The following ZFP14 variants were observed in gnomAD, a reference collection of about 807,000 sequenced individuals.
The protein encoded by ZFP14 is zinc finger protein 14 homolog.
In ZFP14, 22 loss-of-function variants were observed where a neutral mutation model predicts 54.5. The ratio of observed to expected loss-of-function variants is 0.40; its 90% CI spans 0.29 to 0.58. ZFP14 has a LOEUF of 0.58. Among genes scored for constraint, ZFP14 ranks in the 20% least tolerant of loss-of-function variants. The pLI, the probability that ZFP14 is intolerant of heterozygous loss-of-function variation, is 0.39. For synonymous variants in ZFP14, 159 were observed against 204.0 expected (o/e 0.78, Z 1.88); for missense variants, 470 against 637.8 (o/e 0.74, Z 2.83).
intron 4 of ZFP14, among the ~76,000 whole-genome samples, chr19:36,343,021 G>A (rs1439638400): frequency 6.6e-6 from 1 of 152,192 alleles, no homozygotes; most frequent in Non-Finnish European, 1.5e-5. Context: ...CAAATAAAGA[G>A]TCCAGGAGTG....
chr19:36,362,003 CTTAAATCATTCCTTTGAGAATAGAAAGT>C, intron 3 of ZFP14, 81 bp downstream of exon 3: 1 of 1,375,494 alleles, frequency 7.3e-7, no homozygotes, highest in Non-Finnish European at 9.7e-7. Context: ...CCTGACAAAG[CTTAAATCATTCCTTTGAGAATAGAAAGT>C]AGTTTTAGAG....
chr19:36,374,852 A>G (rs558268631), intron 1 of ZFP14, among the ~76,000 whole-genome samples: 4 of 152,336 alleles, frequency 2.6e-5, no homozygotes, highest in African/African-American at 7.2e-5. Flanking sequence ...AATACTTCAA[A>G]TAAGACTTTC....
chr19:36,347,586 G>A (rs573883306), intron 4 of ZFP14, among the ~76,000 whole-genome samples: 5 of 150,802 alleles, frequency 3.3e-5, no homozygotes, highest in Non-Finnish European at 7.4e-5. Flanking sequence ...TATAGCCTGG[G>A]TGACAGAGTG....
intron 4 of ZFP14, among the ~76,000 whole-genome samples, chr19:36,345,441 G>A (rs1005383081): frequency 6.6e-6 from 1 of 152,152 alleles, no homozygotes; most frequent in African/African-American, 2.4e-5. Context: ...ATCAAAAATG[G>A]AAGGGCATCT....
rs1381859239 is a variant in ZFP14 at position 36,337,451 on chromosome 19, T to C, written c.*2773A>G. On this transcript the variant is annotated 3_prime_UTR_variant, in exon 5 of 5. Coordinates refer to ENST00000270001, the MANE Select transcript of ZFP14 (RefSeq NM_020917.3). ...AATAAAAATAATGCAAATTGAAAAA[T>C]ACAGTATAACAACTATTTACATAGT... 1 of 151,696 alleles carries C rather than the reference T, an allele frequency of 6.6e-6. No homozygotes were observed. Among genetic ancestry groups the C allele is most frequent in the African/African-American group, 2.4e-5 (1 of 41,164 alleles). 9.4% of individuals were successfully genotyped at this position (151,696 alleles called of 1,614,324 possible). A position where few individuals can be genotyped will look rare whatever the true frequency, so the allele number is the denominator to read the frequency against.
chr19:36,352,240 T>C (rs1455167399), intron 4 of ZFP14, among the ~76,000 whole-genome samples: 1 of 142,758 alleles, frequency 7.0e-6, no homozygotes, highest in African/African-American at 2.6e-5. Context: ...ATAAAGAAGC[T>C]AATTTCAGAT....
Position 36,336,990 on chromosome 19 carries a change from G to A in ZFP14, c.*3234C>T, listed in dbSNP as rs1031012263. The A allele has an allele frequency of 2.0e-5, 3 of 152,052 alleles. No homozygotes were observed. The highest frequency in any genetic ancestry group is 2.9e-5 in the Non-Finnish European group (2 of 68,016). The allele number at this position is 152,052 out of a possible 1,614,324, so 9.4% of individuals were successfully genotyped here. ...TGCTAGAATATTTTAATCCAAATGT[G>A]TCTATCTTCATTTCATAGTATGTAT... is the stretch of plus-strand genomic sequence containing the variant. On this transcript the variant is annotated 3_prime_UTR_variant, in exon 5 of 5. Transcript: ENST00000270001.
At chr19:36,359,048 A>T (rs1018985250) in intron 4 of ZFP14, among the ~76,000 whole-genome samples, 1 of 152,214 alleles carries the variant, frequency 6.6e-6, no homozygotes, top group African/African-American at 2.4e-5. Flanking sequence ...CCCTCAATAG[A>T]CACAGCCCTT....
chr19:36,378,547 A>G (rs1425039041), intron 1 of ZFP14: 1 of 152,246 alleles, frequency 6.6e-6, no homozygotes, highest in East Asian at 1.9e-4. Flanking sequence ...ATTACACTTC[A>G]TGGAACAAAA....
At position 36,347,054 on chromosome 19, in the gene ZFP14, T is replaced by C. The variant is rs117214609; in HGVS notation, c.236-5464A>G. Among the ~76,000 whole-genome samples, 8 of 152,296 alleles carry C rather than the reference T, an allele frequency of 5.3e-5. No individual in the cohort carries two copies. In the East Asian group the frequency reaches 1.5e-3, roughly 29 times the overall value. On this transcript the variant is annotated intron_variant, in intron 4 of 4. Coordinates refer to ENST00000270001, the MANE Select transcript of ZFP14 (RefSeq NM_020917.3). ...CTCAGGAACTATCTAGACCCATCCT[T>C]ATCAGCCTCATGTGACTTGCAGGCA... is the stretch of plus-strand genomic sequence containing the variant.
At chr19:36,363,176 A>ATTCTTTTCTT (rs200408871) in intron 2 of ZFP14, among the ~76,000 whole-genome samples, 120 of 132,076 alleles carry the variant, frequency 9.1e-4, no homozygotes, top group African/African-American at 3.4e-3. Context: ...TATCAATCAT[A>ATTCTTTTCTT]TTCTTTTCTT....
intron 4 of ZFP14, among the ~76,000 whole-genome samples, chr19:36,347,764 A>G (rs1188796985): frequency 6.6e-6 from 1 of 152,178 alleles, no homozygotes; most frequent in Non-Finnish European, 1.5e-5. Context: ...ATCTTTGAGT[A>G]TAAAAATGAA....
chr19:36,357,089 C>T (rs1039122973), intron 4 of ZFP14, among the ~76,000 whole-genome samples: 1 of 152,140 alleles, frequency 6.6e-6, no homozygotes, highest in Non-Finnish European at 1.5e-5. Context: ...GTCACCCAGG[C>T]TGGAGTGCAG....
chr19:36,377,493 G>A (rs762339445), intron 1 of ZFP14, among the ~76,000 whole-genome samples: 3 of 151,390 alleles, frequency 2.0e-5, no homozygotes, highest in African/African-American at 4.9e-5. Flanking sequence ...GCTGCAGGGA[G>A]CGAGATCACT....
Position 36,359,920 on chromosome 19 carries a change from G to A in ZFP14, c.235+515C>T, listed in dbSNP as rs189423491. On this transcript the variant is annotated intron_variant, in intron 4 of 4. Transcript: ENST00000270001. ...CCAGCCTGCCTCGGCCTCCCAAAACGCTGGGATTACCAGAGTGAGCCACCA... is the reference window on the plus strand; with the variant it reads ...CCAGCCTGCCTCGGCCTCCCAAAACACTGGGATTACCAGAGTGAGCCACCA... Among the ~76,000 whole-genome samples, 453 of 152,218 alleles carry A rather than the reference G, an allele frequency of 3.0e-3. 1 individual carries two copies. The highest frequency in any genetic ancestry group is 0.01 in the African/African-American group (419 of 41,540).
rs2031247682 is a variant in ZFP14, at chr19:36,338,520, T to TG, written c.*1703_*1704insC. 2.2e-5 allele frequency: 3 copies of TG among 135,334 alleles called. No homozygotes were observed. The Admixed American group carries it at 2.2e-4, about 10-fold the overall frequency. 8.4% of individuals were successfully genotyped at this position (135,334 alleles called of 1,614,324 possible). On this transcript the variant is annotated 3_prime_UTR_variant, in exon 5 of 5. Coordinates refer to ENST00000270001, the MANE Select transcript of ZFP14 (RefSeq NM_020917.3). ...GGGCAACATAGTGAGACCCTTTCTC[T>TG]AAAAAAAAAAAAAAAATTTAGGTGG...
In ZFP14 at chr19:36,336,238, C is replaced by CTTTTTT. The variant is rs11374670; in HGVS notation, c.*3980_*3985dup. The CTTTTTT allele has an allele frequency of 3.9e-5, 4 of 103,474 alleles. No individual in the cohort carries two copies. Among genetic ancestry groups the CTTTTTT allele is most frequent in the African/African-American group, 1.2e-4 (3 of 25,556 alleles). 6.4% of individuals were successfully genotyped at this position (103,474 alleles called of 1,614,324 possible). On this transcript the variant is annotated 3_prime_UTR_variant, in exon 5 of 5. Coordinates refer to ENST00000270001, the MANE Select transcript of ZFP14 (RefSeq NM_020917.3). The stretch of plus-strand genomic sequence containing the variant: ...ACTTTCTACTGTTACTTGGCTGTTC[C>CTTTTTT]TTTTTTTTTTTTTTTTTTTTTGACA...
intron 2 of ZFP14, chr19:36,362,741 T>TA (rs1356453624): frequency 3.2e-4 from 70 of 219,008 alleles, no homozygotes; most frequent in Middle Eastern, 1.3e-3. Flanking sequence ...TTTAAAAATT[T>TA]AAAAAAAAAG....
chr19:36,367,965 G>A lies in ZFP14; in HGVS notation c.-73C>T. On this transcript the variant is annotated 5_prime_UTR_variant, in exon 2 of 5. Coordinates refer to ENST00000270001, the MANE Select transcript of ZFP14 (RefSeq NM_020917.3). ...TTGGAGAACTATGGAGTCCTGATAA[G>A]CCAGAGCTGAAAGAAGAAAAAGAAA... is the stretch of plus-strand genomic sequence containing the variant. The A allele has an allele frequency of 6.6e-7, 1 of 1,514,790 alleles. No homozygotes were observed. The highest frequency in any genetic ancestry group is 8.9e-7 in the Non-Finnish European group (1 of 1,124,600). The allele number at this position is 1,514,790 out of a possible 1,614,324, so 93.8% of individuals were successfully genotyped here.
Sources: allele counts gnomAD v4.1 joint callset (sites outside exome capture counted in the v4.1 genomes callset), GRCh38; gene constraint gnomAD v4.1.1; transcripts MANE v1.5; gene names NCBI Gene and HGNC (gene_info 2026-07-23, HGNC 2026-07-21).